The following IMMP2L variants were observed in gnomAD, a reference collection of about 807,000 sequenced individuals.
IMMP2L encodes the protein inner mitochondrial membrane peptidase subunit 2, also known as mitochondrial inner membrane protease subunit 2.
A neutral mutation model predicts 19.3 loss-of-function variants in IMMP2L; 18 were observed. The observed-to-expected ratio is 0.93, with a 90% CI of 0.64 to 1.38. IMMP2L has a LOEUF of 1.38. Among genes scored for constraint, IMMP2L ranks in the 40% most tolerant of loss-of-function variants. IMMP2L has a pLI of 0.00. For missense variants in IMMP2L, 233 were observed against 218.2 expected, an observed-to-expected ratio of 1.07 and a Z score of -0.43; for synonymous variants, 76 against 73.0, an observed-to-expected ratio of 1.04 and a Z score of -0.21.
intron 3 of IMMP2L, among the ~76,000 whole-genome samples, chr7:111,147,960 G>T (rs1803661440): frequency 6.6e-6 from 1 of 152,028 alleles, no homozygotes; most frequent in African/African-American, 2.4e-5. Flanking sequence ...TCCTGAAAAT[G>T]TTAAAAATAC....
intron 4 of IMMP2L, among the ~76,000 whole-genome samples, chr7:110,937,308 T>C (rs1314532692): frequency 6.6e-6 from 1 of 152,192 alleles, no homozygotes; most frequent in Non-Finnish European, 1.5e-5. Flanking sequence ...TGAATATATG[T>C]GAAGATCCCT....
chr7:110,841,153 G>A (rs572731841), intron 5 of IMMP2L, among the ~76,000 whole-genome samples: 7 of 151,814 alleles, frequency 4.6e-5, no homozygotes, highest in Admixed American at 2.0e-4. Context: ...TATAACACAC[G>A]GTTTCCTTTT....
At chr7:111,356,970 G>A (rs1035275250) in intron 3 of IMMP2L, among the ~76,000 whole-genome samples, 6 of 152,164 alleles carry the variant, frequency 3.9e-5, no homozygotes, top group South Asian at 2.1e-4. Context: ...CAGTGAGCCC[G>A]AGATGGTGCC....
chr7:111,550,305 G>A (rs993921331), intron 1 of IMMP2L, among the ~76,000 whole-genome samples: 4 of 152,088 alleles, frequency 2.6e-5, no homozygotes, highest in Non-Finnish European at 5.9e-5. Context: ...TTAGGAGAAG[G>A]GAGGGATGAA....
At chr7:111,021,929 CAGCAAGGGAAAG>C (rs1826323957) in intron 3 of IMMP2L, among the ~76,000 whole-genome samples, 1 of 152,054 alleles carries the variant, frequency 6.6e-6, no homozygotes. Flanking sequence ...TCTCCTGAGA[CAGCAAGGGAAAG>C]ACCCGCCCCC....
chr7:111,333,972 AC>A (rs1182624574), intron 3 of IMMP2L, among the ~76,000 whole-genome samples: 1 of 151,118 alleles, frequency 6.6e-6, no homozygotes, highest in Non-Finnish European at 1.5e-5. Context: ...ACACTCTTCA[AC>A]CTGTATATCT....
chr7:110,968,570 G>A (rs1209273186), intron 3 of IMMP2L, among the ~76,000 whole-genome samples: 3 of 152,132 alleles, frequency 2.0e-5, no homozygotes, highest in Non-Finnish European at 4.4e-5. Context: ...TTACTCAGGA[G>A]GCTGAGTTAG....
chr7:110,766,579 T>C (rs1326889038), intron 5 of IMMP2L, among the ~76,000 whole-genome samples: 1 of 122,828 alleles, frequency 8.1e-6, no homozygotes, highest in Non-Finnish European at 1.6e-5. Context: ...TGAGACTTCA[T>C]TTAAAAAAAA....
chr7:111,488,166 C>T (rs1842807700), intron 2 of IMMP2L, among the ~76,000 whole-genome samples: 1 of 152,118 alleles, frequency 6.6e-6, no homozygotes, highest in Admixed American at 6.6e-5. Context: ...ATAGCCTTTT[C>T]ACTGTTTTTT....
At chr7:111,545,816 T>C (rs1848878979) in intron 1 of IMMP2L, among the ~76,000 whole-genome samples, 1 of 152,110 alleles carries the variant, frequency 6.6e-6, no homozygotes, top group Admixed American at 6.6e-5. Context: ...TAATACAAAA[T>C]TTACAATACT....
At chr7:110,811,306 T>G (rs1295700205) in intron 5 of IMMP2L, among the ~76,000 whole-genome samples, 2 of 152,054 alleles carry the variant, frequency 1.3e-5, no homozygotes, top group Admixed American at 6.6e-5. Context: ...AATCACCAAT[T>G]CTAGAATGAC....
intron 3 of IMMP2L, among the ~76,000 whole-genome samples, chr7:111,108,135 T>A (rs897123058): frequency 1.8e-4 from 27 of 151,020 alleles, no homozygotes; most frequent in Non-Finnish European, 7.4e-5. Flanking sequence ...CCAGTCTGGG[T>A]TTGGAGACAA....
At chr7:110,907,777 C>T (rs186704571) in intron 4 of IMMP2L, among the ~76,000 whole-genome samples, 2 of 152,110 alleles carry the variant, frequency 1.3e-5, no homozygotes, top group Non-Finnish European at 2.9e-5. Context: ...TTATCATAAG[C>T]AATTTAAATG....
chr7:111,329,678 G>A (rs1414741806), intron 3 of IMMP2L, among the ~76,000 whole-genome samples: 1 of 151,874 alleles, frequency 6.6e-6, no homozygotes, highest in Non-Finnish European at 1.5e-5. Context: ...AACAACAGGA[G>A]AGGTTTCTTT....
At chr7:111,483,854 C>T (rs1010304911) in intron 3 of IMMP2L, 1 of 152,148 alleles carries the variant, frequency 6.6e-6, no homozygotes, top group Non-Finnish European at 1.5e-5. Flanking sequence ...TTAGTACAGG[C>T]AACTGAAGGC....
chr7:110,871,505 AG>A (rs1808536757), intron 5 of IMMP2L, among the ~76,000 whole-genome samples: 2 of 152,292 alleles, frequency 1.3e-5, no homozygotes, highest in Middle Eastern at 3.4e-3. Flanking sequence ...TTAAAAAGGA[AG>A]TGGCCAACCA....
intron 5 of IMMP2L, among the ~76,000 whole-genome samples, chr7:110,774,732 G>A (rs945653672): frequency 4.6e-5 from 7 of 151,974 alleles, no homozygotes; most frequent in Admixed American, 4.6e-4. Flanking sequence ...AAGAGCAACA[G>A]GCTATACTGT....
chr7:111,012,606 G>A (rs1023790353), intron 3 of IMMP2L, among the ~76,000 whole-genome samples: 9 of 152,106 alleles, frequency 5.9e-5, no homozygotes, highest in African/African-American at 2.2e-4. Flanking sequence ...TTATGTTTTA[G>A]AAGGCCAATA....
intron 3 of IMMP2L, among the ~76,000 whole-genome samples, chr7:111,352,597 T>A (rs1412682135): frequency 1.3e-5 from 2 of 152,126 alleles, no homozygotes; most frequent in Non-Finnish European, 2.9e-5. Flanking sequence ...CATTTCTAGA[T>A]AAGCTTACAT....
Sources: gnomAD v4.1 joint callset for allele counts (sites outside exome capture counted in the v4.1 genomes callset) on GRCh38, gnomAD v4.1.1 for gene constraint, MANE v1.5 for transcripts, NCBI Gene and HGNC (gene_info 2026-07-23, HGNC 2026-07-21) for gene names.